Variants in CFAP54 observed in about 807,000 individuals in gnomAD.
The protein encoded by CFAP54 is cilia and flagella associated protein 54, also known as cilia- and flagella-associated protein 54.
Under a neutral mutation model 370.4 loss-of-function variants are expected in CFAP54, and 290 were observed. That is an observed-to-expected ratio of 0.78 (90% CI 0.71 to 0.86). The LOEUF (loss-of-function observed/expected upper bound fraction) is 0.86. Ranked by LOEUF, CFAP54 falls within the 40% of genes least tolerant of loss-of-function variation. CFAP54 has a pLI of 0.00. For missense variants in CFAP54, 3,399 were observed against 3,528.7 expected (o/e 0.96, Z 0.93); for synonymous variants, 1,206 against 1,236.5 (o/e 0.98, Z 0.52).
At chr12:96,617,529 T>G (rs946068192) in intron 26 of CFAP54, among the ~76,000 whole-genome samples, 1 of 152,176 alleles carries the variant, frequency 6.6e-6, no homozygotes, top group Non-Finnish European at 1.5e-5. Flanking sequence ...TCAAGAACAT[T>G]CCTGCTGCTG....
At chr12:96,613,808 G>A (rs961726552) in intron 26 of CFAP54, among the ~76,000 whole-genome samples, 2 of 152,152 alleles carry the variant, frequency 1.3e-5, no homozygotes, top group African/African-American at 4.8e-5. Flanking sequence ...ACCCTCCCAA[G>A]ACTAAACCAG....
intron 5 of CFAP54, among the ~76,000 whole-genome samples, chr12:96,515,532 C>A (rs1955220874): frequency 6.6e-6 from 1 of 152,236 alleles, no homozygotes; most frequent in East Asian, 1.9e-4. Flanking sequence ...TTTGATGGGT[C>A]CATTTAATGG....
chr12:96,690,044 T>TA (rs1230228362), intron 43 of CFAP54, among the ~76,000 whole-genome samples: 1 of 152,250 alleles, frequency 6.6e-6, no homozygotes, highest in African/African-American at 2.4e-5. Context: ...TCTGACTTCT[T>TA]ACGTCGCATT....
chr12:96,758,372 T>C (rs1958290204), intron 58 of CFAP54, among the ~76,000 whole-genome samples: 1 of 152,142 alleles, frequency 6.6e-6, no homozygotes, highest in Non-Finnish European at 1.5e-5. Flanking sequence ...AAGTCACATC[T>C]TACATGGCAG....
At chr12:96,707,909 G>A (rs1957563015) in intron 47 of CFAP54, among the ~76,000 whole-genome samples, 1 of 152,092 alleles carries the variant, frequency 6.6e-6, no homozygotes, top group Admixed American at 6.5e-5. Flanking sequence ...CAAAATGGTT[G>A]TCTAAGAAAG....
chr12:96,654,054 C>T (rs1352904882), intron 36 of CFAP54, among the ~76,000 whole-genome samples: 2 of 152,078 alleles, frequency 1.3e-5, no homozygotes, highest in Non-Finnish European at 2.9e-5. Flanking sequence ...CAAGAAGAAA[C>T]AGAAAATATG....
chr12:96,865,397 T>G (rs752287956), intron 67 of CFAP54, among the ~76,000 whole-genome samples: 5 of 152,194 alleles, frequency 3.3e-5, no homozygotes, highest in Non-Finnish European at 7.3e-5. Context: ...GAAGATACCA[T>G]TGTATACTAT....
chr12:96,598,355 A>C (rs970941529), intron 25 of CFAP54, among the ~76,000 whole-genome samples: 4 of 152,032 alleles, frequency 2.6e-5, no homozygotes, highest in African/African-American at 9.7e-5. Flanking sequence ...CATTCTGACT[A>C]TACCTTTTAT....
intron 9 of CFAP54, among the ~76,000 whole-genome samples, chr12:96,530,175 T>C (rs1955426591): frequency 6.6e-6 from 1 of 152,192 alleles, no homozygotes; most frequent in Non-Finnish European, 1.5e-5. Flanking sequence ...TCTCTTGAGA[T>C]GTATCCAGGT....
chr12:96,576,515 A>T, intron 19 of CFAP54, 70 bp from the exon 20 acceptor site: 1 of 1,152,858 alleles, frequency 8.7e-7, no homozygotes, highest in Non-Finnish European at 1.2e-6. Flanking sequence ...TAACATCACT[A>T]GAATTCTATA....
intron 59 of CFAP54, 120 bp from the exon 60 acceptor site, chr12:96,764,957 T>G: frequency 1.4e-6 from 1 of 692,246 alleles, no homozygotes; most frequent in Non-Finnish European, 2.1e-6. Context: ...CTTTATTTTT[T>G]CCTCCAATGT....
chr12:96,844,370 AG>A (rs1397558051), intron 66 of CFAP54, among the ~76,000 whole-genome samples: 1 of 152,148 alleles, frequency 6.6e-6, no homozygotes, highest in Admixed American at 6.5e-5. Flanking sequence ...AGGTGAAGAA[AG>A]GGGTGCAAGT....
intron 45 of CFAP54, among the ~76,000 whole-genome samples, chr12:96,694,750 A>G (rs1334390191): frequency 6.6e-6 from 1 of 151,958 alleles, no homozygotes; most frequent in Non-Finnish European, 1.5e-5. Flanking sequence ...AAGGCCAGGC[A>G]TGATGTCTCA....
chr12:96,573,622 C>T (rs1955947258), intron 19 of CFAP54, among the ~76,000 whole-genome samples: 1 of 152,148 alleles, frequency 6.6e-6, no homozygotes, highest in African/African-American at 2.4e-5. Context: ...CTAGCCCTGA[C>T]CCTTTTGTCC....
At chr12:96,810,226 A>G (rs143557755) in intron 63 of CFAP54, among the ~76,000 whole-genome samples, 85 of 151,812 alleles carry the variant, frequency 5.6e-4, no homozygotes, top group African/African-American at 2.0e-3. Flanking sequence ...CCCCTCTGAA[A>G]ACACTTAGGA....
chr12:96,865,059 T>C (rs965645169), intron 67 of CFAP54, among the ~76,000 whole-genome samples: 4 of 152,206 alleles, frequency 2.6e-5, no homozygotes, highest in Admixed American at 2.0e-4. Context: ...AACTACTCTT[T>C]GCCATTTTCT....
intron 8 of CFAP54, among the ~76,000 whole-genome samples, chr12:96,524,563 A>G (rs191637006): frequency 1.3e-5 from 2 of 152,282 alleles, no homozygotes; most frequent in Admixed American, 1.3e-4. Context: ...GGGCCTTGGG[A>G]TAACGGGCAG....
intron 60 of CFAP54, among the ~76,000 whole-genome samples, chr12:96,779,538 CATG>C (rs1449717702): frequency 1.3e-5 from 2 of 150,706 alleles, no homozygotes; most frequent in Non-Finnish European, 2.9e-5. Flanking sequence ...GGTCATAAGA[CATG>C]CATGGTTTTA....
rs1408448515 is a variant in CFAP54, at chr12:96,518,955, A to T, written c.826A>T (p.Met276Leu). ...CTTAGAGTATCTCCTGTGGGCCAGC[A>T]TGTGTATGGAGTCCTTGGTCCCGCT... ...KALEYLLWAS[M>L]CMESLVPLLS... The change falls in exon 6 of 68, where the codon ATG becomes TTG. Residue 276 changes from methionine (M) to leucine (L), a missense_variant. Met to Leu is a conservative substitution (Grantham distance 15). Around this residue, in one of 3 missense-constraint regions of CFAP54, gnomAD observed 559 missense variants for 576.7 expected, o/e 0.97. Coordinates refer to ENST00000524981, the MANE Select transcript of CFAP54 (RefSeq NM_001306084.2). 6.5e-7 allele frequency: 1 copy of T among 1,535,816 alleles called. No individual in the cohort carries two copies. Among genetic ancestry groups the T allele is most frequent in the Non-Finnish European group, 8.7e-7 (1 of 1,146,714 alleles).
Sources: allele counts gnomAD v4.1 joint callset (sites outside exome capture counted in the v4.1 genomes callset), GRCh38; gene constraint gnomAD v4.1.1; regional missense constraint gnomAD v4.1.1; transcripts MANE v1.5; gene names NCBI Gene and HGNC (gene_info 2026-07-23, HGNC 2026-07-21).